LRFN5: variants seen among roughly 807,000 people sequenced by gnomAD.
The protein encoded by LRFN5 is leucine-rich repeat and fibronectin type-III domain-containing protein 5.
A neutral mutation model predicts 45.6 loss-of-function variants in LRFN5; 24 were observed. That is an observed-to-expected ratio of 0.53 (90% CI 0.38 to 0.74). The LOEUF (loss-of-function observed/expected upper bound fraction) is 0.74. Among genes scored for constraint, LRFN5 ranks in the 30% least tolerant of loss-of-function variants. LRFN5 has a pLI of 0.00. For missense variants in LRFN5, 776 were observed against 861.5 expected (o/e 0.90, Z 1.24); for synonymous variants, 340 against 313.8 (o/e 1.08, Z -0.88).
chr14:41,656,951 C>T (rs1322286123), intron 1 of LRFN5, among the ~76,000 whole-genome samples: 1 of 151,812 alleles, frequency 6.6e-6, no homozygotes, highest in Non-Finnish European at 1.5e-5. Context: ...AGACAGTTCT[C>T]CACGTGGATT....
chr14:41,739,423 T>TCAC (rs1448277851), intron 1 of LRFN5, among the ~76,000 whole-genome samples: 2 of 151,286 alleles, frequency 1.3e-5, no homozygotes, highest in Non-Finnish European at 2.9e-5. Flanking sequence ...ATCATCATCA[T>TCAC]CTTGAAGAAC....
chr14:41,898,824 A>G (rs1891018702), intron 4 of LRFN5, 93 bp from the exon 5 acceptor site: 2 of 1,133,574 alleles, frequency 1.8e-6, no homozygotes, highest in Non-Finnish European at 2.6e-6. Flanking sequence ...AATTCTTGAT[A>G]TGAAGTATTA....
intron 1 of LRFN5, among the ~76,000 whole-genome samples, chr14:41,755,317 C>A (rs1885324591): frequency 6.6e-6 from 1 of 152,066 alleles, no homozygotes; most frequent in Non-Finnish European, 1.5e-5. Context: ...TCCTGGATAT[C>A]CTTGTTAACT....
chr14:41,749,473 G>A (rs534024449), intron 1 of LRFN5, among the ~76,000 whole-genome samples: 31 of 152,226 alleles, frequency 2.0e-4, no homozygotes, highest in South Asian at 1.2e-3. Context: ...ATATTATACA[G>A]CTATAGTATT....
chr14:41,655,639 G>A (rs1313758162), intron 1 of LRFN5, among the ~76,000 whole-genome samples: 2 of 151,960 alleles, frequency 1.3e-5, no homozygotes, highest in African/African-American at 4.8e-5. Flanking sequence ...TAGGGAATAG[G>A]CTTAAGGGGA....
intron 1 of LRFN5, among the ~76,000 whole-genome samples, chr14:41,727,968 T>C (rs887477781): frequency 6.6e-6 from 1 of 152,192 alleles, no homozygotes; most frequent in African/African-American, 2.4e-5. Flanking sequence ...TGAGTGTAAA[T>C]TCTCCAGAGA....
chr14:41,738,506 C>A (rs1484761449), intron 1 of LRFN5, among the ~76,000 whole-genome samples: 1 of 151,826 alleles, frequency 6.6e-6, no homozygotes, highest in Non-Finnish European at 1.5e-5. Context: ...GGGATCTAAC[C>A]CCTTTATTTT....
In LRFN5 at chr14:41,891,950, C is replaced by CAT; in HGVS notation, c.2090_2091dup (p.Lys698Ter). The CAT allele has an allele frequency of 6.2e-7, 1 of 1,612,306 alleles. No homozygotes were observed. The highest frequency in any genetic ancestry group is 8.5e-7 in the Non-Finnish European group (1 of 1,179,598). On this transcript the variant is annotated frameshift_variant, in exon 4 of 6. Coordinates refer to ENST00000298119, the MANE Select transcript of LRFN5 (RefSeq NM_152447.5). LOFTEE classifies it high-confidence loss of function. ...AGAGGGGCCCACGTCTAAAAGAGCA[C>CAT]ATATAAAGCCAAGTAAGTTTATCAC...
intron 2 of LRFN5, among the ~76,000 whole-genome samples, chr14:41,781,079 AGATT>A (rs755486906): frequency 2.2e-4 from 33 of 152,250 alleles, no homozygotes; most frequent in Middle Eastern, 6.8e-3. Context: ...GCTATCTTTT[AGATT>A]GATTAAGAAC....
intron 1 of LRFN5, among the ~76,000 whole-genome samples, chr14:41,691,480 C>T (rs1404510950): frequency 6.6e-6 from 1 of 151,986 alleles, no homozygotes; most frequent in African/African-American, 2.4e-5. Flanking sequence ...TATTTAGAAG[C>T]CCATCACTGG....
chr14:41,802,682 C>T (rs1887378598), intron 2 of LRFN5, among the ~76,000 whole-genome samples: 1 of 152,080 alleles, frequency 6.6e-6, no homozygotes, highest in African/African-American at 2.4e-5. Flanking sequence ...CCCTTCCTTC[C>T]AGTTAAGTAA....
intron 1 of LRFN5, among the ~76,000 whole-genome samples, chr14:41,644,389 T>G (rs1341622715): frequency 6.6e-6 from 1 of 152,226 alleles, no homozygotes; most frequent in Non-Finnish European, 1.5e-5. Flanking sequence ...TTTATGTTGC[T>G]TTCACTAACT....
intron 1 of LRFN5, among the ~76,000 whole-genome samples, chr14:41,754,411 C>G (rs991323639): frequency 1.3e-5 from 2 of 151,780 alleles, no homozygotes; most frequent in African/African-American, 4.8e-5. Context: ...TTTTTTGGTT[C>G]GTAAGCTATT....
chr14:41,807,538 T>C (rs746874602), intron 2 of LRFN5, among the ~76,000 whole-genome samples: 82 of 152,286 alleles, frequency 5.4e-4, no homozygotes, highest in Non-Finnish European at 9.1e-4. Context: ...TATACCATGA[T>C]CTAGGCACTG....
Position 41,887,466 on chromosome 14 carries a change from G to A in LRFN5, c.841G>A (p.Glu281Lys). 6.2e-7 allele frequency: 1 copy of A among 1,614,182 alleles called. No homozygotes were observed. The highest frequency in any genetic ancestry group is 8.5e-7 in the Non-Finnish European group (1 of 1,180,036). ...GRYFWSIPEE[E>K]FLCEPPLITR... ...CTACTTTTGGTCAATTCCTGAAGAA[G>A]AGTTTTTGTGTGAGCCTCCTCTCAT... Residue 281 changes from glutamate (E) to lysine (K), a missense_variant, in exon 3 of 6, where the codon GAG (glutamate) becomes AAG (lysine). Glu to Lys is a moderately conservative substitution (Grantham distance 56). This residue lies in a region of LRFN5 where 311 missense variants were observed against 405.1 expected (regional missense o/e 0.77). Transcript: ENST00000298119. This position sits in a 1 kb window ranked among gnomAD's most constrained non-coding sequence, Gnocchi z 4.8.
In LRFN5 at chr14:41,782,686, T is replaced by C. The variant is rs113403504; in HGVS notation, c.-21+15657T>C. Reference sequence around the variant, plus strand: ...ATGTTCATTTGGCTAGAGATGGACTTTGTTTAGCATTTGCTCTAGTTGAAG... The same window carrying C: ...ATGTTCATTTGGCTAGAGATGGACTCTGTTTAGCATTTGCTCTAGTTGAAG... On this transcript the variant is annotated intron_variant, in intron 2 of 5. Transcript: ENST00000298119. Among the ~76,000 whole-genome samples the C allele has an allele frequency of 9.8e-3, 1,486 of 152,240 alleles. 22 individuals carry two copies. The highest frequency in any genetic ancestry group is 0.034 in the African/African-American group (1,425 of 41,544).
chr14:41,609,819 T>TC (rs1887664466), intron 1 of LRFN5, among the ~76,000 whole-genome samples: 1 of 152,124 alleles, frequency 6.6e-6, no homozygotes, highest in African/African-American at 2.4e-5. Flanking sequence ...GGCGGGGGGT[T>TC]CTCTTTGCTA....
intron 2 of LRFN5, among the ~76,000 whole-genome samples, chr14:41,793,689 C>A (rs1182920725): frequency 2.0e-5 from 3 of 148,864 alleles, no homozygotes; most frequent in Non-Finnish European, 4.5e-5. Flanking sequence ...ATACAGTTAT[C>A]CTACTCCTAA....
chr14:41,902,314 A>T (rs1167514550), intron 5 of LRFN5, among the ~76,000 whole-genome samples: 1 of 151,784 alleles, frequency 6.6e-6, no homozygotes, highest in Non-Finnish European at 1.5e-5. Flanking sequence ...CATTTTTACC[A>T]TATTTAGTCT....
Sources: gnomAD v4.1 joint callset for allele counts (sites outside exome capture counted in the v4.1 genomes callset) on GRCh38, gnomAD v4.1.1 for gene constraint, gnomAD v4.1.1 regional missense constraint, Gnocchi (gnomAD v3.1) non-coding constraint, MANE v1.5 for transcripts, NCBI Gene and HGNC (gene_info 2026-07-23, HGNC 2026-07-21) for gene names.